LRMDA: variants seen among roughly 807,000 people sequenced by gnomAD.
The protein encoded by LRMDA is leucine rich melanocyte differentiation associated.
LRMDA carries 18 observed loss-of-function variants against 29.8 expected under a neutral mutation model. That is an observed-to-expected ratio of 0.60 (90% CI 0.42 to 0.90). The LOEUF (loss-of-function observed/expected upper bound fraction) is 0.90. LRMDA is among the 40% of genes least tolerant of loss of function. The probability of loss-of-function intolerance (pLI) is 0.00; values close to 1 mark genes in which losing one functional copy is unlikely to be tolerated. For synonymous variants in LRMDA, 125 were observed against 109.4 expected (o/e 1.14, Z -0.89); for missense variants, 273 against 273.9 (o/e 1.00, Z 0.02).
intron 2 of LRMDA, among the ~76,000 whole-genome samples, chr10:75,963,434 G>A (rs898720514): frequency 1.3e-5 from 2 of 152,096 alleles, no homozygotes; most frequent in Admixed American, 6.6e-5. Flanking sequence ...TCTTTCCTTC[G>A]TTCCCTGGTA....
chr10:75,795,787 G>C (rs1843642242), intron 2 of LRMDA, among the ~76,000 whole-genome samples: 1 of 152,108 alleles, frequency 6.6e-6, no homozygotes. Flanking sequence ...AATTAAAAAA[G>C]CCTGTGGGGT....
At chr10:76,271,138 C>T (rs1442546034) in intron 5 of LRMDA, among the ~76,000 whole-genome samples, 4 of 152,266 alleles carry the variant, frequency 2.6e-5, no homozygotes, top group South Asian at 2.1e-4. Context: ...CTTGGCTAGG[C>T]GGCTCACGCC....
At chr10:75,782,821 C>G in intron 2 of LRMDA, 2 of 1,457,966 alleles carry the variant, frequency 1.4e-6, no homozygotes, top group Non-Finnish European at 1.8e-6. Flanking sequence ...AACCTTTAGC[C>G]AGCGCCGGCG....
intron 2 of LRMDA, among the ~76,000 whole-genome samples, chr10:75,702,391 G>A (rs1044451348): frequency 3.3e-5 from 5 of 152,162 alleles, no homozygotes; most frequent in African/African-American, 1.2e-4. Context: ...CATAGTAGCT[G>A]GCACCTAATA....
chr10:75,761,944 G>A (rs1285237459), intron 2 of LRMDA, among the ~76,000 whole-genome samples: 1 of 152,002 alleles, frequency 6.6e-6, no homozygotes, highest in Non-Finnish European at 1.5e-5. Context: ...GGGACTGCAA[G>A]CATGTGCCAC....
chr10:75,598,384 C>T (rs1003618015), intron 2 of LRMDA, among the ~76,000 whole-genome samples: 2 of 152,060 alleles, frequency 1.3e-5, no homozygotes, highest in African/African-American at 2.4e-5. Flanking sequence ...GCTGTTTAGC[C>T]TAAAAAAGAG....
intron 2 of LRMDA, among the ~76,000 whole-genome samples, chr10:75,447,715 C>T (rs1364271896): frequency 1.3e-5 from 2 of 152,020 alleles, no homozygotes. Context: ...GGGAACATAG[C>T]AAGACCCCAT....
chr10:76,517,700 C>G (rs900843271), intron 6 of LRMDA, among the ~76,000 whole-genome samples: 1 of 151,892 alleles, frequency 6.6e-6, no homozygotes, highest in African/African-American at 2.4e-5. Context: ...TAAACCAACA[C>G]TTTCTTTATT....
intron 5 of LRMDA, among the ~76,000 whole-genome samples, chr10:76,083,654 C>T (rs560402663): frequency 6.6e-6 from 1 of 152,068 alleles, no homozygotes; most frequent in African/African-American, 2.4e-5. Flanking sequence ...CATGGTGAAA[C>T]CCCGTCTCTA....
chr10:75,666,286 TA>T (rs568939049), intron 2 of LRMDA, among the ~76,000 whole-genome samples: 133 of 152,292 alleles, frequency 8.7e-4, no homozygotes, highest in African/African-American at 2.9e-3. Context: ...GTGCTTGTGA[TA>T]CATTACTCCT....
At chr10:76,548,750 A>G (rs1214890844) in intron 6 of LRMDA, among the ~76,000 whole-genome samples, 1 of 152,232 alleles carries the variant, frequency 6.6e-6, no homozygotes, top group Non-Finnish European at 1.5e-5. Flanking sequence ...CCAAAAAAAT[A>G]GGAAATTAAA....
chr10:75,603,806 G>T (rs1840918823), intron 2 of LRMDA, among the ~76,000 whole-genome samples: 1 of 152,164 alleles, frequency 6.6e-6, no homozygotes, highest in Non-Finnish European at 1.5e-5. Flanking sequence ...AGCTTTTAAA[G>T]AATTGAGGCA....
At chr10:76,130,425 C>G (rs560584743) in intron 5 of LRMDA, among the ~76,000 whole-genome samples, 10 of 152,116 alleles carry the variant, frequency 6.6e-5, no homozygotes, top group Non-Finnish European at 1.3e-4. Context: ...GGATTGATAA[C>G]AGGTTCTGAT....
chr10:75,718,748 G>T (rs1364749286), intron 2 of LRMDA, among the ~76,000 whole-genome samples: 1 of 152,144 alleles, frequency 6.6e-6, no homozygotes, highest in African/African-American at 2.4e-5. Flanking sequence ...TTTAGTAAAG[G>T]TATAAAAAAT....
At chr10:76,200,372 A>C (rs998883547) in intron 5 of LRMDA, among the ~76,000 whole-genome samples, 3 of 152,218 alleles carry the variant, frequency 2.0e-5, no homozygotes, top group Non-Finnish European at 4.4e-5. Flanking sequence ...TAAACAATTC[A>C]CAGGATTTCT....
At chr10:76,242,769 A>G (rs931499272) in intron 5 of LRMDA, among the ~76,000 whole-genome samples, 1 of 152,234 alleles carries the variant, frequency 6.6e-6, no homozygotes, top group Non-Finnish European at 1.5e-5. Flanking sequence ...TCTGGGGGAT[A>G]CAACTCAACC....
chr10:76,045,282 G>T (rs1261584271), intron 3 of LRMDA, among the ~76,000 whole-genome samples: 10 of 100,714 alleles, frequency 9.9e-5, no homozygotes, highest in South Asian at 3.2e-4. Context: ...CCCCCTCTCT[G>T]GTTAGTTTCC....
Position 76,065,736 on chromosome 10 carries a change from C to T in LRMDA, c.516+6953C>T, listed in dbSNP as rs75260515. ...TGTTTGTCTAAAACCATTCCTTTCT[C>T]TCTGCCCTTGCTGTGGCTCCCCATC... is the stretch of plus-strand genomic sequence containing the variant. On this transcript the variant is annotated intron_variant, in intron 5 of 6. Coordinates refer to ENST00000611255, the MANE Select transcript of LRMDA (RefSeq NM_001305581.2). Among the ~76,000 whole-genome samples, 1,098 of 152,382 alleles carry T rather than the reference C, an allele frequency of 7.2e-3. 15 individuals carry two copies. Among genetic ancestry groups the T allele is most frequent in the African/African-American group, 0.025 (1,046 of 41,600 alleles).
chr10:76,298,970 G>C (rs1007981668), intron 5 of LRMDA, among the ~76,000 whole-genome samples: 6 of 151,892 alleles, frequency 4.0e-5, no homozygotes, highest in African/African-American at 1.2e-4. Context: ...GGGTATTGTT[G>C]GTTGGCCACC....
Sources: allele counts gnomAD v4.1 joint callset (sites outside exome capture counted in the v4.1 genomes callset), GRCh38; gene constraint gnomAD v4.1.1; transcripts MANE v1.5; gene names NCBI Gene and HGNC (gene_info 2026-07-23, HGNC 2026-07-21).